Variants in NFASC observed in about 807,000 individuals in gnomAD.
NFASC encodes the protein neurofascin homolog.
In NFASC, 43 loss-of-function variants were observed where a neutral mutation model predicts 147.5. That is an observed-to-expected ratio of 0.29 (90% confidence interval 0.23 to 0.38). The LOEUF (loss-of-function observed/expected upper bound fraction) is 0.38, where lower values mean the gene tolerates loss of function less well. NFASC is among the 10% of genes least tolerant of loss of function. The pLI is 1.00. For missense variants in NFASC, 1,320 were observed against 1,689.0 expected (o/e 0.78, Z 3.83); for synonymous variants, 622 against 665.5 (o/e 0.93, Z 1.01).
At chr1:204,951,836 G>A (rs1274357353) in intron 4 of NFASC, among the ~76,000 whole-genome samples, 175 bp from the exon 5 acceptor site, 1 of 152,098 alleles carries the variant, frequency 6.6e-6, no homozygotes, top group African/African-American at 2.4e-5. Context: ...CTTTCCTGCG[G>A]CACCATTTAA....
chr1:204,946,513 A>G lies in NFASC; in HGVS notation c.91+2107A>G, dbSNP rs115776765. The G allele has an allele frequency of 4.6e-3, 1,888 of 411,632 alleles. 20 individuals are homozygous for G. The highest frequency in any genetic ancestry group is 0.035 in the African/African-American group (1,708 of 49,242). The allele number at this position is 411,632 out of a possible 1,614,324, so 25.5% of individuals were successfully genotyped here. A position where few individuals can be genotyped will look rare whatever the true frequency, so the allele number is the denominator to read the frequency against. On this transcript the variant is annotated intron_variant, in intron 3 of 29. Transcript: ENST00000339876. ...CACATGGCACCTCCCCGGTTGCTGC[A>G]GGTCCAGTGGCCCTGGCAACGTGTC...
intron 1 of NFASC, among the ~76,000 whole-genome samples, chr1:204,859,468 C>G (rs140593728): frequency 6.6e-6 from 1 of 152,352 alleles, no homozygotes; most frequent in African/African-American, 2.4e-5. Context: ...CTGTGTACCT[C>G]ACTATACTGT....
Position 204,954,502 on chromosome 1 carries a change from T to C in NFASC, c.412+118T>C. ...CCTTGGCCTGCAGTTGCCTTGGTGT[T>C]CTCTATGCATCTTCCCCACCTCAGA... is the stretch of plus-strand genomic sequence containing the variant. On this transcript the variant is annotated intron_variant, in intron 6 of 29. Coordinates refer to ENST00000339876, the MANE Select transcript of NFASC (RefSeq NM_001005388.3). This position sits in a 1 kb window ranked among gnomAD's most constrained non-coding sequence, Gnocchi z 5.7. 1.2e-6 allele frequency: 1 copy of C among 856,096 alleles called. No individual in the cohort carries two copies. The highest frequency in any genetic ancestry group is 1.8e-6 in the Non-Finnish European group (1 of 559,730). 53.0% of individuals were successfully genotyped at this position (856,096 alleles called of 1,614,324 possible).
intron 10 of NFASC, among the ~76,000 whole-genome samples, chr1:204,969,300 G>A (rs559772542): frequency 6.6e-6 from 1 of 152,092 alleles, no homozygotes; most frequent in African/African-American, 2.4e-5. Context: ...TTTTCCTTTC[G>A]TTTTGCATTC....
chr1:204,980,821 C>T (rs2095497120), intron 20 of NFASC, among the ~76,000 whole-genome samples: 1 of 152,094 alleles, frequency 6.6e-6, no homozygotes, highest in Non-Finnish European at 1.5e-5. Flanking sequence ...TGTCCTAGGG[C>T]CCTTTCACTG....
At chr1:204,881,838 G>A (rs1006554745) in intron 1 of NFASC, among the ~76,000 whole-genome samples, 2 of 152,122 alleles carry the variant, frequency 1.3e-5, no homozygotes, top group Non-Finnish European at 2.9e-5. Context: ...TGCTAAGTCA[G>A]TTTGACAAGA....
intron 21 of NFASC, chr1:204,984,357 A>ATG (rs10657459): frequency 0.36 from 69,595 of 191,774 alleles, 14,657 homozygotes; most frequent in Middle Eastern, 0.48. Context: ...ATATATATAT[A>ATG]TGTGTGTGTG....
chr1:204,966,224 G>A (rs2094940805), intron 8 of NFASC, among the ~76,000 whole-genome samples: 1 of 152,194 alleles, frequency 6.6e-6, no homozygotes, highest in South Asian at 2.1e-4. Context: ...GGCACCCACA[G>A]CAGAACTCTG....
intron 26 of NFASC, among the ~76,000 whole-genome samples, chr1:205,001,716 C>T (rs4951153): frequency 6.6e-6 from 1 of 152,138 alleles, no homozygotes; most frequent in Admixed American, 6.5e-5. Context: ...ATGCCAGCGG[C>T]CCCCAGTCAG....
intron 1 of NFASC, among the ~76,000 whole-genome samples, chr1:204,882,217 C>A (rs1431281098): frequency 2.6e-5 from 4 of 152,150 alleles, no homozygotes; most frequent in African/African-American, 7.2e-5. Flanking sequence ...AACATTTCAA[C>A]CCACCCCAAC....
At chr1:204,976,392 C>G (rs2095404707) in intron 15 of NFASC, among the ~76,000 whole-genome samples, 1 of 152,208 alleles carries the variant, frequency 6.6e-6, no homozygotes, top group Admixed American at 6.5e-5. Context: ...ACAGTAAAGG[C>G]ACAGAGGCAG....
At chr1:204,888,208 A>C in intron 1 of NFASC, among the ~76,000 whole-genome samples, 1 of 152,092 alleles carries the variant, frequency 6.6e-6, no homozygotes, top group East Asian at 1.9e-4. Flanking sequence ...CTGTCTACCA[A>C]ATCTAGCCAA....
At chr1:204,969,026 G>T in intron 10 of NFASC, 44 bp downstream of exon 10, 1 of 1,553,568 alleles carries the variant, frequency 6.4e-7, no homozygotes, top group South Asian at 1.2e-5. Flanking sequence ...TGCCAACCCT[G>T]AACACCATGC....
chr1:204,973,546 A>T lies in NFASC; in HGVS notation c.1279+127A>T, dbSNP rs2095319849. On this transcript the variant is annotated intron_variant, in intron 12 of 29. Coordinates refer to ENST00000339876, the MANE Select transcript of NFASC (RefSeq NM_001005388.3). ...TGGCCAAGCTGGGTGAGGTAAGAGGATGTTGGATAGGGGAAACATGGAGAT... is the reference window on the plus strand; with the variant it reads ...TGGCCAAGCTGGGTGAGGTAAGAGGTTGTTGGATAGGGGAAACATGGAGAT... The T allele has an allele frequency of 2.5e-6, 3 of 1,195,262 alleles. No homozygotes were observed. The East Asian group carries it at 7.7e-5, about 31-fold the overall frequency. The allele number at this position is 1,195,262 out of a possible 1,614,324, so 74.0% of individuals were successfully genotyped here. A position where few individuals can be genotyped will look rare whatever the true frequency, so the allele number is the denominator to read the frequency against.
In NFASC at chr1:204,974,256, C is replaced by T. The variant is rs899754038; in HGVS notation, c.1357C>T (p.Pro453Ser). Residue 453 changes from proline (P) to serine (S), a missense_variant, in exon 13 of 30, where the codon CCT (proline) becomes TCT (serine). By Grantham distance (74) the Pro-to-Ser change is moderately conservative. Coordinates refer to ENST00000339876, the MANE Select transcript of NFASC (RefSeq NM_001005388.3). ...TTACAACCGGACGCGGCTGGACTGC[C>T]CTTTCTTTGGGTCTCCCATCCCCAC... ...ILYNRTRLDC[P>S]FFGSPIPTLR... The T allele has an allele frequency of 2.5e-6, 4 of 1,614,032 alleles. No individual in the cohort carries two copies. The highest frequency in any genetic ancestry group is 3.4e-6 in the Non-Finnish European group (4 of 1,180,016).
At chr1:204,936,187 T>G (rs1446860847) in intron 2 of NFASC, among the ~76,000 whole-genome samples, 12 of 110,760 alleles carry the variant, frequency 1.1e-4, no homozygotes, top group African/African-American at 3.9e-4. Flanking sequence ...AGATTCCCTC[T>G]CTCTCTCTTT....
At chr1:204,996,878 C>G (rs1264270042) in intron 24 of NFASC, among the ~76,000 whole-genome samples, 1 of 152,156 alleles carries the variant, frequency 6.6e-6, no homozygotes, top group Non-Finnish European at 1.5e-5. Flanking sequence ...AGCCCGTGCC[C>G]CCTTCCCGTC....
chr1:204,855,454 A>G (rs1385289056), intron 1 of NFASC, among the ~76,000 whole-genome samples: 4 of 152,200 alleles, frequency 2.6e-5, no homozygotes, highest in African/African-American at 9.6e-5. Flanking sequence ...AAAACGAAAA[A>G]AGACTTTAGA....
chr1:204,939,665 G>A (rs2093209200), intron 2 of NFASC, among the ~76,000 whole-genome samples: 5 of 152,284 alleles, frequency 3.3e-5, no homozygotes. Context: ...GGTTGGAAGT[G>A]CTGGGAGAGG....
Sources: allele counts gnomAD v4.1 joint callset (sites outside exome capture counted in the v4.1 genomes callset), GRCh38; gene constraint gnomAD v4.1.1; non-coding constraint Gnocchi (gnomAD v3.1); transcripts MANE v1.5; gene names NCBI Gene and HGNC (gene_info 2026-07-23, HGNC 2026-07-21).